CAMK2B: variants seen among roughly 807,000 people sequenced by gnomAD.
CAMK2B encodes the protein calcium/calmodulin dependent protein kinase II beta.
Under a neutral mutation model 93.7 loss-of-function variants are expected in CAMK2B, and 27 were observed. That is an observed-to-expected ratio of 0.29 (90% CI 0.21 to 0.40). The LOEUF (loss-of-function observed/expected upper bound fraction) is 0.40, where lower values mean the gene tolerates loss of function less well. Among genes scored for constraint, CAMK2B ranks in the 10% least tolerant of loss-of-function variants. The probability of loss-of-function intolerance (pLI) is 1.00; values close to 1 mark genes in which losing one functional copy is unlikely to be tolerated. For missense variants in CAMK2B, 568 were observed against 895.8 expected, an observed-to-expected ratio of 0.63 and a Z score of 4.67; for synonymous variants, 374 against 358.8, an observed-to-expected ratio of 1.04 and a Z score of -0.48.
chr7:44,284,070 G>A (rs539482901), intron 2 of CAMK2B, 61 bp downstream of exon 2: 19 of 1,282,148 alleles, frequency 1.5e-5, no homozygotes, highest in South Asian at 4.8e-5. Context: ...CACAGGGCAC[G>A]GCCTCCAAAG....
chr7:44,240,043 C>T (rs1291752074), intron 12 of CAMK2B, among the ~76,000 whole-genome samples: 4 of 152,126 alleles, frequency 2.6e-5, no homozygotes, highest in Admixed American at 6.5e-5. Flanking sequence ...AAACGGACAA[C>T]GAGAGAGACG....
rs1793710976 is a variant in CAMK2B, at chr7:44,312,079, C to T, written c.65+13278G>A. 6.6e-6 allele frequency among the ~76,000 whole-genome samples: 1 copy of T among 152,144 alleles called. No homozygotes were observed. The highest frequency in any genetic ancestry group is 2.4e-5 in the African/African-American group (1 of 41,436). ...CTGCTGGTGATGCCCCCATGGGTGA[C>T]CAAGGCTGGGAAGAGCCCCACATTT... On this transcript the variant is annotated intron_variant, in intron 1 of 23. Coordinates refer to ENST00000395749, the MANE Select transcript of CAMK2B (RefSeq NM_001220.5). The surrounding 1 kb of genome is among the most constrained non-coding windows in gnomAD (Gnocchi z 4.1).
At chr7:44,250,717 A>G (rs62459105) in intron 5 of CAMK2B, among the ~76,000 whole-genome samples, 31,773 of 151,954 alleles carry the variant, frequency 0.21, 4,173 homozygotes, top group Non-Finnish European at 0.29. Context: ...TTTAATAGAG[A>G]CGGGGTTTCA....
At chr7:44,323,046 T>C (rs1796509820) in intron 1 of CAMK2B, among the ~76,000 whole-genome samples, 1 of 152,062 alleles carries the variant, frequency 6.6e-6, no homozygotes, top group African/African-American at 2.4e-5. Context: ...GCCTCAGACA[T>C]CCCCCTTAGG....
Position 44,239,815 on chromosome 7 carries a change from A to G in CAMK2B, c.947-152T>C, listed in dbSNP as rs1414049638. On this transcript the variant is annotated intron_variant, in intron 12 of 23. Transcript: ENST00000395749. ...AGATGGTTCCAGAATCCTTTGCTCA[A>G]GAGAGTGAAAACAAGATTGGACTGA... The G allele has an allele frequency of 3.7e-5, 24 of 644,068 alleles. No homozygotes were observed. The South Asian group carries it at 4.2e-4, about 11-fold the overall frequency. The allele number at this position is 644,068 out of a possible 1,614,324, so 39.9% of individuals were successfully genotyped here.
intron 18 of CAMK2B, 98 bp from the exon 19 acceptor site, chr7:44,229,022 C>T (rs766436734): frequency 8.7e-7 from 1 of 1,146,022 alleles, no homozygotes; most frequent in Non-Finnish European, 1.3e-6. Flanking sequence ...GTGTTCTAGA[C>T]CCCTTGGGCC....
intron 1 of CAMK2B, among the ~76,000 whole-genome samples, chr7:44,289,451 G>A (rs1786117099): frequency 6.6e-6 from 1 of 152,192 alleles, no homozygotes; most frequent in Admixed American, 6.5e-5. Flanking sequence ...GGTGAAGACT[G>A]GGGGTTACCA....
chr7:44,301,760 A>G (rs181927293), intron 1 of CAMK2B, among the ~76,000 whole-genome samples: 2 of 152,074 alleles, frequency 1.3e-5, no homozygotes, highest in East Asian at 3.9e-4. Flanking sequence ...CTGGTGACAG[A>G]GCAAGACTCC....
chr7:44,237,517 G>A (rs762571766), intron 13 of CAMK2B, among the ~76,000 whole-genome samples: 6 of 152,158 alleles, frequency 3.9e-5, no homozygotes, highest in Admixed American at 1.3e-4. Flanking sequence ...TAAAACAATC[G>A]CTTGTGCACG....
At chr7:44,233,155 C>A (rs1214900320) in intron 15 of CAMK2B, among the ~76,000 whole-genome samples, 1 of 152,110 alleles carries the variant, frequency 6.6e-6, no homozygotes, top group Non-Finnish European at 1.5e-5. Context: ...CGACAAGCTG[C>A]ACAATGTGTG....
At chr7:44,276,332 C>A (rs191758665) in intron 2 of CAMK2B, among the ~76,000 whole-genome samples, 1 of 152,184 alleles carries the variant, frequency 6.6e-6, no homozygotes. Context: ...CACTCATTAT[C>A]CCCCTGAGCA....
At chr7:44,287,634 T>C (rs945177220) in intron 1 of CAMK2B, among the ~76,000 whole-genome samples, 16 of 152,258 alleles carry the variant, frequency 1.1e-4, no homozygotes, top group South Asian at 4.2e-4. Context: ...GCCAGCACCA[T>C]CACCATACTC....
At chr7:44,240,669 G>A (rs764119384) in intron 12 of CAMK2B, 38 bp downstream of exon 12, 9 of 1,610,760 alleles carry the variant, frequency 5.6e-6, no homozygotes, top group South Asian at 4.4e-5. Context: ...CCAGCAGGGA[G>A]GGGGCAGCGC....
chr7:44,290,707 G>A (rs1168540261), intron 1 of CAMK2B, among the ~76,000 whole-genome samples: 1 of 152,220 alleles, frequency 6.6e-6, no homozygotes, highest in East Asian at 1.9e-4. Flanking sequence ...TGCCAGAGGG[G>A]GAGGTCTTTT....
At chr7:44,250,486 T>C (rs539324092) in intron 5 of CAMK2B, among the ~76,000 whole-genome samples, 1 of 152,168 alleles carries the variant, frequency 6.6e-6, no homozygotes, top group East Asian at 1.9e-4. Context: ...ACAGTCAGCA[T>C]TGCACCAGGT....
intron 23 of CAMK2B, chr7:44,219,733 C>G (rs1345873807): frequency 2.5e-6 from 1 of 399,906 alleles, no homozygotes; most frequent in Non-Finnish European, 4.5e-6. Context: ...GAACGCCCAT[C>G]TGGGGCTCTA....
At chr7:44,301,777 G>T (rs1254436184) in intron 1 of CAMK2B, among the ~76,000 whole-genome samples, 1 of 141,734 alleles carries the variant, frequency 7.1e-6, no homozygotes, top group Admixed American at 7.0e-5. Flanking sequence ...CTCCATCTCA[G>T]AAAAAAAAAA....
At position 44,288,358 on chromosome 7, in the gene CAMK2B, C is replaced by A. The variant is rs1405115823; in HGVS notation, c.66-4133G>T. Among the ~76,000 whole-genome samples, 5 of 152,358 alleles carry A rather than the reference C, an allele frequency of 3.3e-5. No homozygotes were observed. In the South Asian group the frequency reaches 1.0e-3, roughly 32 times the overall value. On this transcript the variant is annotated intron_variant, in intron 1 of 23. Transcript: ENST00000395749. The stretch of plus-strand genomic sequence containing the variant: ...ACTGCAGGTGCATAGGCTGATCACA[C>A]GCCTGCCTCTAGGGTGTGGACCATC...
intron 13 of CAMK2B, among the ~76,000 whole-genome samples, chr7:44,237,042 G>C (rs1032470887): frequency 6.6e-6 from 1 of 152,230 alleles, no homozygotes; most frequent in Admixed American, 6.5e-5. Context: ...CCCCACCCCC[G>C]AGGGGACAGT....
Sources: allele counts gnomAD v4.1 joint callset (sites outside exome capture counted in the v4.1 genomes callset), GRCh38; gene constraint gnomAD v4.1.1; non-coding constraint Gnocchi (gnomAD v3.1); transcripts MANE v1.5; gene names NCBI Gene and HGNC (gene_info 2026-07-23, HGNC 2026-07-21).